EPS8L2: variants seen among roughly 807,000 people sequenced by gnomAD.
EPS8L2 encodes the protein epidermal growth factor receptor kinase substrate 8-like protein 2.
EPS8L2 carries 81 observed loss-of-function variants against 99.4 expected under a neutral mutation model. The ratio of observed to expected loss-of-function variants is 0.82; its 90% CI spans 0.68 to 0.98. EPS8L2 has a LOEUF of 0.98. Among genes scored for constraint, EPS8L2 ranks in the 50% least tolerant of loss-of-function variants. EPS8L2 has a pLI of 0.00. For synonymous variants in EPS8L2, 509 were observed against 407.3 expected, an observed-to-expected ratio of 1.25 and a Z score of -3.01; for missense variants, 1,155 against 968.8, an observed-to-expected ratio of 1.19 and a Z score of -2.55.
chr11:710,154 C>T lies in EPS8L2; in HGVS notation c.101-268C>T, dbSNP rs185291412. 5.0e-4 allele frequency: 234 copies of T among 468,596 alleles called. 2 individuals are homozygous for T. The highest frequency in any genetic ancestry group is 4.4e-3 in the African/African-American group (221 of 50,578). The allele number at this position is 468,596 out of a possible 1,614,324, so 29.0% of individuals were successfully genotyped here. A position where few individuals can be genotyped will look rare whatever the true frequency, so the allele number is the denominator to read the frequency against. ...CTCACCCTCCGGGACAGAAACCCCC[C>T]GGGCACAGGCTGCTGGTCCCCACTC... On this transcript the variant is annotated intron_variant, in intron 3 of 20. Transcript: ENST00000318562.
In EPS8L2 at chr11:726,634, G is replaced by C; in HGVS notation, c.1950G>C (p.Leu650=). 5 of 1,554,236 alleles carry C rather than the reference G, an allele frequency of 3.2e-6. No individual in the cohort carries two copies. Among genetic ancestry groups the C allele is most frequent in the Non-Finnish European group, 4.4e-6 (5 of 1,149,388 alleles). Residue 650 remains leucine, a synonymous_variant, in exon 20 of 21, where the codon CTG becomes CTC. Coordinates refer to ENST00000318562, the MANE Select transcript of EPS8L2 (RefSeq NM_022772.4). ...KAFSPRIVEN[L]GILTGPQLFS... Reference sequence around the variant, plus strand: ...CCGCCCCCAGGATCGTGGAGAACCTGGGCATCCTGACCGGGCCGCAGCTCT... The same window carrying C: ...CCGCCCCCAGGATCGTGGAGAACCTCGGCATCCTGACCGGGCCGCAGCTCT...
intron 16 of EPS8L2, among the ~76,000 whole-genome samples, chr11:725,206 C>T (rs1357556997): frequency 6.6e-6 from 1 of 152,200 alleles, no homozygotes; most frequent in Non-Finnish European, 1.5e-5. Flanking sequence ...GTGGAGCAGG[C>T]TAGGGGGGAG....
chr11:722,396 C>A lies in EPS8L2; in HGVS notation c.1060-5C>A. ...CAGTCCCCTCTGAACCTCACTGTGC[C>A]CCAGATCGTCAACACCTGCAGTGGC... On this transcript the variant is annotated splice_region_variant and splice_polypyrimidine_tract_variant and intron_variant, in intron 12 of 20. Transcript: ENST00000318562. 1.2e-6 allele frequency: 2 copies of A among 1,612,488 alleles called. No individual in the cohort carries two copies. The highest frequency in any genetic ancestry group is 1.7e-6 in the Non-Finnish European group (2 of 1,179,752).
In EPS8L2 at chr11:709,420, G is replaced by A. The variant is rs375020679; in HGVS notation, c.13G>A (p.Gly5Arg). The change falls in exon 2 of 21, where the codon GGG (glycine) becomes AGG (arginine). Residue 5 changes from glycine (G) to arginine (R), a missense_variant. By Grantham distance (125) the Gly-to-Arg change is moderately radical. Transcript: ENST00000318562. The part of the protein sequence containing the change: MSQS[G>R]AVSCCPGATN... The stretch of plus-strand genomic sequence containing the variant: ...CACCCAAGACACCATGAGCCAGTCC[G>A]GGGCCGTGAGCTGCTGCCCGGGTGC... 267 of 1,591,752 alleles carry A rather than the reference G, an allele frequency of 1.7e-4. No homozygotes were observed. Among genetic ancestry groups the A allele is most frequent in the Non-Finnish European group, 2.1e-4 (245 of 1,170,724 alleles).
At chr11:717,007 C>G (rs778160760) in intron 4 of EPS8L2, among the ~76,000 whole-genome samples, 8 of 152,162 alleles carry the variant, frequency 5.3e-5, no homozygotes, top group East Asian at 3.9e-4. Flanking sequence ...GACAGAGTCT[C>G]GCTCTGTTGC....
chr11:725,132 C>A (rs1862280001), intron 16 of EPS8L2, among the ~76,000 whole-genome samples: 1 of 152,212 alleles, frequency 6.6e-6, no homozygotes, highest in South Asian at 2.1e-4. Flanking sequence ...CACCCAGGAG[C>A]CCCCACATCT....
Position 720,978 on chromosome 11 carries a change from GCCGGCAGGGGAGGGGAGGAGC to G in EPS8L2, c.558-76_558-56del, listed in dbSNP as rs1367774055. 1.8e-4 allele frequency: 193 copies of G among 1,102,018 alleles called. 1 individual carries two copies. The highest frequency in any genetic ancestry group is 3.1e-4 in the African/African-American group (16 of 51,996). 68.3% of individuals were successfully genotyped at this position (1,102,018 alleles called of 1,614,324 possible). A position where few individuals can be genotyped will look rare whatever the true frequency, so the allele number is the denominator to read the frequency against. On this transcript the variant is annotated intron_variant, in intron 7 of 20. Coordinates refer to ENST00000318562, the MANE Select transcript of EPS8L2 (RefSeq NM_022772.4). ...AGGAGCCCGGCAGGGGAGGGGAGGA[GCCGGCAGGGGAGGGGAGGAGC>G]CCGGCAGGGAGGGAGGGTCAGGTGC...
At chr11:714,807 G>A (rs1188173731) in intron 4 of EPS8L2, among the ~76,000 whole-genome samples, 1 of 151,952 alleles carries the variant, frequency 6.6e-6, no homozygotes, top group Non-Finnish European at 1.5e-5. Flanking sequence ...TGGTAATATT[G>A]TTGTTAGGGG....
At chr11:720,943 C>CGGGGTGGGGAGGAGCCCGGCA in intron 7 of EPS8L2, 34 bp downstream of exon 7, 5 of 502,410 alleles carry the variant, frequency 1.0e-5, no homozygotes, top group Non-Finnish European at 1.4e-5. Flanking sequence ...TCGCAGGGGG[C>CGGGGTGGGGAGGAGCCCGGCA]GGGGAGGGGA....
At chr11:719,913 C>T (rs576827602) in intron 4 of EPS8L2, 149 bp from the exon 5 acceptor site, 284 of 643,388 alleles carry the variant, frequency 4.4e-4, no homozygotes, top group Non-Finnish European at 7.2e-4. Flanking sequence ...AATAGAGACT[C>T]CCCCCACCAA....
chr11:727,262 G>T lies in EPS8L2; in HGVS notation c.*281G>T, dbSNP rs1049031388. 2 of 343,058 alleles carry T rather than the reference G, an allele frequency of 5.8e-6. No individual in the cohort carries two copies. Among genetic ancestry groups the T allele is most frequent in the Non-Finnish European group, 1.1e-5 (2 of 184,528 alleles). 21.3% of individuals were successfully genotyped at this position (343,058 alleles called of 1,614,324 possible). ...GGCCACAGAACTCCCTGGGGCTGGG[G>T]CCTCTTTCTCTGGCCTCCCCTGTGC... On this transcript the variant is annotated 3_prime_UTR_variant, in exon 21 of 21. Coordinates refer to ENST00000318562, the MANE Select transcript of EPS8L2 (RefSeq NM_022772.4).
In EPS8L2 at chr11:722,476, T is replaced by C; in HGVS notation, c.1135T>C (p.Phe379Leu). The C allele has an allele frequency of 6.2e-7, 1 of 1,613,480 alleles. No homozygotes were observed. The highest frequency in any genetic ancestry group is 1.1e-5 in the South Asian group (1 of 91,088). ...CPLLSRDAVDFLRGHLVPKEM... is the reference protein window; with the variant it reads ...CPLLSRDAVDLLRGHLVPKEM... ...ACTGCTCTCCCGAGATGCCGTGGACTTCCTGCGCGGCCACCTGGTCCCTAA... is the reference window on the plus strand; with the variant it reads ...ACTGCTCTCCCGAGATGCCGTGGACCTCCTGCGCGGCCACCTGGTCCCTAA... Residue 379 changes from phenylalanine (F) to leucine (L), a missense_variant, in exon 13 of 21, where the codon TTC (phenylalanine) becomes CTC (leucine). By Grantham distance (22) the Phe-to-Leu change is conservative (BLOSUM62 0). Transcript: ENST00000318562.
chr11:713,531 G>A (rs1161378456), intron 4 of EPS8L2, among the ~76,000 whole-genome samples: 2 of 151,922 alleles, frequency 1.3e-5, no homozygotes, highest in African/African-American at 2.4e-5. Context: ...ACAGGCGCCC[G>A]CCACCACGCC....
At chr11:726,076 T>C in intron 17 of EPS8L2, 22 bp from the exon 18 acceptor site, 2 of 1,485,874 alleles carry the variant, frequency 1.3e-6, no homozygotes, top group Non-Finnish European at 1.8e-6. Context: ...GTGGGGAGCC[T>C]AATCGCCCCC....
intron 4 of EPS8L2, among the ~76,000 whole-genome samples, chr11:718,831 G>A (rs907823609): frequency 1.3e-5 from 2 of 151,634 alleles, no homozygotes; most frequent in African/African-American, 2.4e-5. Context: ...ACCACGCCTG[G>A]CTAATTTTTT....
intron 4 of EPS8L2, among the ~76,000 whole-genome samples, chr11:715,185 T>G (rs1175363851): frequency 1.3e-5 from 2 of 151,238 alleles, no homozygotes; most frequent in East Asian, 1.9e-4. Flanking sequence ...GAGCTTGCAG[T>G]AAGCTGAGAT....
Position 720,943 on chromosome 11 carries a change from C to CA in EPS8L2, c.557+34_557+35insA, listed in dbSNP as rs771424938. 388 of 503,064 alleles carry CA rather than the reference C, an allele frequency of 7.7e-4. 5 individuals carry two copies. The highest frequency in any genetic ancestry group is 7.0e-3 in the South Asian group (303 of 43,536). 31.2% of individuals were successfully genotyped at this position (503,064 alleles called of 1,614,324 possible). A position where few individuals can be genotyped will look rare whatever the true frequency, so the allele number is the denominator to read the frequency against. ...GCGGGCGGAGCGGGGTCGCAGGGGG[C>CA]GGGGAGGGGAGGAGCCCGGCAGGGG... On this transcript the variant is annotated intron_variant, in intron 7 of 20. Coordinates refer to ENST00000318562, the MANE Select transcript of EPS8L2 (RefSeq NM_022772.4).
At chr11:718,042 CCAAACAGAGG>C (rs764814087) in intron 4 of EPS8L2, among the ~76,000 whole-genome samples, 53 of 138,456 alleles carry the variant, frequency 3.8e-4, no homozygotes, top group Non-Finnish European at 5.9e-4. Flanking sequence ...TAACCAAAAA[CCAAACAGAGG>C]CTGGGCATGG....
intron 4 of EPS8L2, among the ~76,000 whole-genome samples, chr11:711,992 A>G (rs1590047731): frequency 6.8e-6 from 1 of 146,830 alleles, no homozygotes; most frequent in Non-Finnish European, 1.5e-5. Context: ...CAAAAAAGAG[A>G]AAAAAAAAAG....
Sources: allele counts gnomAD v4.1 joint callset (sites outside exome capture counted in the v4.1 genomes callset), GRCh38; gene constraint gnomAD v4.1.1; transcripts MANE v1.5; gene names NCBI Gene and HGNC (gene_info 2026-07-23, HGNC 2026-07-21).